Variants in KCTD8 observed in about 807,000 individuals in gnomAD.
The protein encoded by KCTD8 is BTB/POZ domain-containing protein KCTD8.
Under a neutral mutation model 31.5 loss-of-function variants are expected in KCTD8, and 27 were observed. The ratio of observed to expected loss-of-function variants is 0.86; its 90% confidence interval spans 0.63 to 1.18. The LOEUF is 1.18. Ranked by LOEUF, KCTD8 falls within the 50% of genes most tolerant of loss-of-function variation. KCTD8 has a pLI of 0.00. For missense variants in KCTD8, 658 were observed against 647.7 expected, an observed-to-expected ratio of 1.02 and a Z score of -0.17; for synonymous variants, 290 against 280.0, an observed-to-expected ratio of 1.04 and a Z score of -0.36.
chr4:44,291,540 T>C (rs1006885207), intron 1 of KCTD8, among the ~76,000 whole-genome samples: 2 of 152,036 alleles, frequency 1.3e-5, no homozygotes, highest in African/African-American at 4.8e-5. Context: ...AGCTAGGAAA[T>C]ACCCTTCCCG....
intron 1 of KCTD8, among the ~76,000 whole-genome samples, chr4:44,271,860 C>T (rs566566532): frequency 6.6e-6 from 1 of 152,156 alleles, no homozygotes; most frequent in East Asian, 1.9e-4. Flanking sequence ...TTGGGGCTCT[C>T]AGCTCTGAAG....
chr4:44,326,909 T>G (rs1247134119), intron 1 of KCTD8, among the ~76,000 whole-genome samples: 2 of 151,786 alleles, frequency 1.3e-5, no homozygotes, highest in Non-Finnish European at 2.9e-5. Context: ...ATGGGAAAAC[T>G]AATCTTGTTA....
At chr4:44,411,894 T>C (rs917753497) in intron 1 of KCTD8, among the ~76,000 whole-genome samples, 19 of 152,214 alleles carry the variant, frequency 1.2e-4, no homozygotes, top group Non-Finnish European at 2.6e-4. Context: ...AAGGCCCTGC[T>C]TGACTACTAG....
intron 1 of KCTD8, among the ~76,000 whole-genome samples, chr4:44,306,363 C>G (rs1003887362): frequency 6.6e-6 from 1 of 151,946 alleles, no homozygotes; most frequent in African/African-American, 2.4e-5. Context: ...TGTTAAATGA[C>G]TTAACAAAGT....
intron 1 of KCTD8, among the ~76,000 whole-genome samples, chr4:44,216,562 T>C (rs919719564): frequency 1.3e-5 from 2 of 152,150 alleles, no homozygotes; most frequent in African/African-American, 4.8e-5. Flanking sequence ...TCTGGGGCTG[T>C]GGGAAGATGA....
intron 1 of KCTD8, among the ~76,000 whole-genome samples, chr4:44,367,184 C>T (rs1443730895): frequency 6.6e-6 from 1 of 152,134 alleles, no homozygotes; most frequent in Non-Finnish European, 1.5e-5. Context: ...CACCTTACCT[C>T]AGGCATAGTG....
chr4:44,259,716 T>C (rs1320480889), intron 1 of KCTD8, among the ~76,000 whole-genome samples: 1 of 151,948 alleles, frequency 6.6e-6, no homozygotes, highest in Non-Finnish European at 1.5e-5. Flanking sequence ...TTCTTCCATA[T>C]AAGTTGTCTT....
chr4:44,223,474 C>G (rs1486493616), intron 1 of KCTD8, among the ~76,000 whole-genome samples: 1 of 152,190 alleles, frequency 6.6e-6, no homozygotes, highest in Non-Finnish European at 1.5e-5. Context: ...CTCTGAAACG[C>G]TTGGGAACTT....
At chr4:44,394,613 T>C (rs186057515) in intron 1 of KCTD8, among the ~76,000 whole-genome samples, 11 of 152,226 alleles carry the variant, frequency 7.2e-5, no homozygotes, top group African/African-American at 2.6e-4. Context: ...CTCTCTGACA[T>C]CATTAAACCT....
intron 1 of KCTD8, among the ~76,000 whole-genome samples, chr4:44,333,243 G>A (rs377755021): frequency 2.0e-5 from 3 of 152,028 alleles, no homozygotes; most frequent in African/African-American, 7.2e-5. Context: ...TCCAATACAG[G>A]GACCAGGAAA....
At chr4:44,215,448 G>A (rs1198181846) in intron 1 of KCTD8, among the ~76,000 whole-genome samples, 6 of 152,174 alleles carry the variant, frequency 3.9e-5, no homozygotes, top group African/African-American at 1.2e-4. Context: ...CCTCAGGATT[G>A]TGACTGCTAA....
intron 1 of KCTD8, among the ~76,000 whole-genome samples, chr4:44,342,810 T>A (rs1034904557): frequency 2.0e-5 from 3 of 152,336 alleles, no homozygotes; most frequent in African/African-American, 7.2e-5. Context: ...CACCTTGTAC[T>A]TTTATGCTAT....
intron 1 of KCTD8, among the ~76,000 whole-genome samples, chr4:44,290,908 G>GA (rs1395723665): frequency 6.6e-6 from 1 of 151,820 alleles, no homozygotes; most frequent in Non-Finnish European, 1.5e-5. Flanking sequence ...GGAACCAGGG[G>GA]AAAAAAGAAC....
At chr4:44,401,739 T>A (rs16856875) in intron 1 of KCTD8, among the ~76,000 whole-genome samples, 8,908 of 152,242 alleles carry the variant, frequency 0.059, 860 homozygotes, top group African/African-American at 0.2. Flanking sequence ...TAGGACATAC[T>A]AAGTCTTAAA....
chr4:44,271,791 C>T (rs2109372878), intron 1 of KCTD8, among the ~76,000 whole-genome samples: 1 of 152,200 alleles, frequency 6.6e-6, no homozygotes, highest in Admixed American at 6.5e-5. Flanking sequence ...AATCTATAAT[C>T]TATAGAAACA....
intron 1 of KCTD8, among the ~76,000 whole-genome samples, chr4:44,186,177 C>T (rs1713581439): frequency 6.6e-6 from 1 of 152,098 alleles, no homozygotes; most frequent in Non-Finnish European, 1.5e-5. Flanking sequence ...ACACAGGTGG[C>T]GAGGAGCGAA....
intron 1 of KCTD8, among the ~76,000 whole-genome samples, chr4:44,420,141 A>C (rs1487444043): frequency 2.6e-5 from 4 of 152,084 alleles, no homozygotes; most frequent in Non-Finnish European, 4.4e-5. Context: ...CAGATAAATC[A>C]TAAGAAAAAA....
At chr4:44,198,081 C>T (rs994482658) in intron 1 of KCTD8, among the ~76,000 whole-genome samples, 11 of 152,130 alleles carry the variant, frequency 7.2e-5, no homozygotes, top group African/African-American at 2.4e-4. Context: ...TTCTTCAAAT[C>T]AACTCAGTCA....
chr4:44,408,880 G>T (rs1479951460), intron 1 of KCTD8, among the ~76,000 whole-genome samples: 1 of 151,958 alleles, frequency 6.6e-6, no homozygotes, highest in African/African-American at 2.4e-5. Context: ...GCCTCCCAAA[G>T]TGCTGGGATT....
Sources: allele counts gnomAD v4.1 joint callset (sites outside exome capture counted in the v4.1 genomes callset), GRCh38; gene constraint gnomAD v4.1.1; transcripts MANE v1.5; gene names NCBI Gene and HGNC (gene_info 2026-07-23, HGNC 2026-07-21).